The following ATG12 variants were observed in gnomAD, a reference collection of about 807,000 sequenced individuals.
ATG12 encodes the protein autophagy related 12, also known as ubiquitin-like protein ATG12.
Under a neutral mutation model 17.6 loss-of-function variants are expected in ATG12, and 19 were observed. That is an observed-to-expected ratio of 1.08 (90% CI 0.75 to 1.58). The LOEUF is 1.58. ATG12 is among the 40% of genes most tolerant of loss of function. The pLI is 0.00. For synonymous variants in ATG12, 75 were observed against 62.4 expected, an observed-to-expected ratio of 1.20 and a Z score of -0.95; for missense variants, 214 against 162.0, an observed-to-expected ratio of 1.32 and a Z score of -1.74.
intron 2 of ATG12, chr5:115,834,075 G>C (rs552214294): frequency 8.7e-4 from 132 of 152,292 alleles, no homozygotes; most frequent in African/African-American, 2.9e-3. Context: ...CACTACTCTA[G>C]CCTAGCAAAA....
At chr5:115,837,906 A>C (rs1761172926) in intron 1 of ATG12, 142 bp from the exon 2 acceptor site, 1 of 694,458 alleles carries the variant, frequency 1.4e-6, no homozygotes, top group Non-Finnish European at 2.1e-6. Flanking sequence ...AGAGATGTAA[A>C]AATGTTAGAT....
At chr5:115,840,874 T>C in intron 1 of ATG12, 5 of 1,286,792 alleles carry the variant, frequency 3.9e-6, no homozygotes, top group Non-Finnish European at 5.1e-6. Flanking sequence ...AGCTTTCCCT[T>C]AGCAGTCTTC....
rs1478298430 is a variant in ATG12 at position 115,841,475 on chromosome 5, G to A, written c.78C>T (p.Ser26=). The change falls in exon 1 of 4, where the codon TCC becomes TCT. Residue 26 remains serine (S), a synonymous_variant. Coordinates refer to ENST00000509910, the MANE Select transcript of ATG12 (RefSeq NM_004707.4). ...GGGGCTCCGGGGTGGTTGTTTCTGGGGAGACATCCGTAAGTCCTTCCCCTC... is the reference window on the plus strand; with the variant it reads ...GGGGCTCCGGGGTGGTTGTTTCTGGAGAGACATCCGTAAGTCCTTCCCCTC... ...AAGGEGLTDV[S]PETTTPEPPS... is the part of the protein sequence containing the mutation. 1 of 1,611,364 alleles carries A rather than the reference G, an allele frequency of 6.2e-7. No individual in the cohort carries two copies. The highest frequency in any genetic ancestry group is 1.7e-5 in the Admixed American group (1 of 58,978).
rs941106947 is a variant in ATG12 at position 115,829,536 on chromosome 5, T to C, written c.*2268A>G. 1 of 152,228 alleles carries C rather than the reference T, an allele frequency of 6.6e-6. No homozygotes were observed. The highest frequency in any genetic ancestry group is 2.4e-5 in the African/African-American group (1 of 41,466). 9.4% of individuals were successfully genotyped at this position (152,228 alleles called of 1,614,324 possible). ...GTACAATATTGCAATATTATACATA[T>C]ACTTTGTGTGCCATGGGTCATCTAT... On this transcript the variant is annotated 3_prime_UTR_variant, in exon 4 of 4. Coordinates refer to ENST00000509910, the MANE Select transcript of ATG12 (RefSeq NM_004707.4).
intron 3 of ATG12, among the ~76,000 whole-genome samples, chr5:115,832,075 G>C (rs996682870): frequency 6.6e-6 from 1 of 152,034 alleles, no homozygotes; most frequent in Non-Finnish European, 1.5e-5. Flanking sequence ...AGCATCTTAG[G>C]CATGAATGAG....
At chr5:115,840,829 A>T in intron 1 of ATG12, 1 of 1,243,112 alleles carries the variant, frequency 8.0e-7, no homozygotes, top group Non-Finnish European at 1.0e-6. Flanking sequence ...AAGGTTCCAA[A>T]ATGTGTTTCT....
In ATG12 at chr5:115,830,848, A is replaced by T. The variant is rs1760841633; in HGVS notation, c.*956T>A. On this transcript the variant is annotated 3_prime_UTR_variant, in exon 4 of 4. Coordinates refer to ENST00000509910, the MANE Select transcript of ATG12 (RefSeq NM_004707.4). ...GCTTTCTAAAAATATGGCATTATAAACATAATACTAAAGAGAAAAAAAGGT... is the reference window on the plus strand; with the variant it reads ...GCTTTCTAAAAATATGGCATTATAATCATAATACTAAAGAGAAAAAAAGGT... 1 of 152,152 alleles carries T rather than the reference A, an allele frequency of 6.6e-6. No homozygotes were observed. Among genetic ancestry groups the T allele is most frequent in the South Asian group, 2.1e-4 (1 of 4,832 alleles). The allele number at this position is 152,152 out of a possible 1,614,324, so 9.4% of individuals were successfully genotyped here.
intron 2 of ATG12, chr5:115,834,862 T>G (rs963845869): frequency 1.3e-5 from 2 of 152,220 alleles, no homozygotes; most frequent in African/African-American, 2.4e-5. Context: ...TTATTCTGGG[T>G]TGATACTCTC....
intron 1 of ATG12, 138 bp from the exon 2 acceptor site, chr5:115,837,902 G>A (rs1335909445): frequency 1.4e-6 from 1 of 706,702 alleles, no homozygotes; most frequent in East Asian, 3.3e-5. Flanking sequence ...TGTGAGAGAT[G>A]TAAAAATGTT....
At chr5:115,841,071 G>C (rs368037834) in intron 1 of ATG12, 1 of 397,618 alleles carries the variant, frequency 2.5e-6, no homozygotes, top group South Asian at 2.0e-5. Context: ...TGGAATTACC[G>C]AGACCCCCCT....
At chr5:115,837,919 T>C (rs1287741819) in intron 1 of ATG12, 155 bp from the exon 2 acceptor site, 1 of 636,824 alleles carries the variant, frequency 1.6e-6, no homozygotes, top group Admixed American at 4.1e-5. Context: ...TGTTAGATTC[T>C]TTTCCATCAT....
chr5:115,835,064 T>G (rs139817316), intron 2 of ATG12: 10 of 152,144 alleles, frequency 6.6e-5, no homozygotes, highest in Admixed American at 1.3e-4. Context: ...TCCTCCTACT[T>G]TAGTCTCCAT....
rs1455180607 is a variant in ATG12, at chr5:115,830,403, AAACTG to A, written c.*1396_*1400del. Reference sequence around the variant, plus strand: ...ATATAATTAAATATATTCCTTCAGTAAACTGAACTGGACAAAACTAGAGAACAGAC... The same window carrying A: ...ATATAATTAAATATATTCCTTCAGTAAACTGGACAAAACTAGAGAACAGAC... On this transcript the variant is annotated 3_prime_UTR_variant, in exon 4 of 4. Transcript: ENST00000509910. 8 of 152,184 alleles carry A rather than the reference AAACTG, an allele frequency of 5.3e-5. No homozygotes were observed. Among genetic ancestry groups the A allele is most frequent in the Admixed American group, 2.6e-4 (4 of 15,286 alleles). 9.4% of individuals were successfully genotyped at this position (152,184 alleles called of 1,614,324 possible).
chr5:115,830,190 A>G lies in ATG12; in HGVS notation c.*1614T>C, dbSNP rs557809600. On this transcript the variant is annotated 3_prime_UTR_variant, in exon 4 of 4. Transcript: ENST00000509910. Reference sequence around the variant, plus strand: ...TCAGAGTTGTTAGGAAAGAAAACAAATAAGGTTAGCTACATATTTAGCTAA... The same window carrying G: ...TCAGAGTTGTTAGGAAAGAAAACAAGTAAGGTTAGCTACATATTTAGCTAA... 1 of 151,960 alleles carries G rather than the reference A, an allele frequency of 6.6e-6. No individual in the cohort carries two copies. The highest frequency in any genetic ancestry group is 6.6e-5 in the Admixed American group (1 of 15,260). 9.4% of individuals were successfully genotyped at this position (151,960 alleles called of 1,614,324 possible).
intron 2 of ATG12, among the ~76,000 whole-genome samples, chr5:115,835,653 C>T (rs1245327507): frequency 3.3e-5 from 5 of 152,168 alleles, no homozygotes; most frequent in Non-Finnish European, 4.4e-5. Context: ...ATTGTCATCA[C>T]GTGCTACAGA....
At position 115,828,714 on chromosome 5, in the gene ATG12, T is replaced by A. The variant is rs1760738260; in HGVS notation, c.*3090A>T. On this transcript the variant is annotated 3_prime_UTR_variant, in exon 4 of 4. Coordinates refer to ENST00000509910, the MANE Select transcript of ATG12 (RefSeq NM_004707.4). ...AGCTGTCATACTTTGCTAATCACAA[T>A]TTCATTCACTCGATGTGTTACATTA... 6.6e-6 allele frequency: 1 copy of A among 152,218 alleles called. No individual in the cohort carries two copies. Among genetic ancestry groups the A allele is most frequent in the Non-Finnish European group, 1.5e-5 (1 of 68,016 alleles). 9.4% of individuals were successfully genotyped at this position (152,218 alleles called of 1,614,324 possible).
At position 115,830,486 on chromosome 5, in the gene ATG12, T is replaced by A. The variant is rs1294720212; in HGVS notation, c.*1318A>T. 4 of 152,184 alleles carry A rather than the reference T, an allele frequency of 2.6e-5. No homozygotes were observed. The highest frequency in any genetic ancestry group is 9.6e-5 in the African/African-American group (4 of 41,460). 9.4% of individuals were successfully genotyped at this position (152,184 alleles called of 1,614,324 possible). A position where few individuals can be genotyped will look rare whatever the true frequency, so the allele number is the denominator to read the frequency against. ...TGATATTACTTTGAATTCTACTACATACCATCTTAGATCCTGTTTTGAAAT... is the reference window on the plus strand; with the variant it reads ...TGATATTACTTTGAATTCTACTACAAACCATCTTAGATCCTGTTTTGAAAT... On this transcript the variant is annotated 3_prime_UTR_variant, in exon 4 of 4. Coordinates refer to ENST00000509910, the MANE Select transcript of ATG12 (RefSeq NM_004707.4).
rs927103295 is a variant in ATG12, at chr5:115,830,593, A to G, written c.*1211T>C. On this transcript the variant is annotated 3_prime_UTR_variant, in exon 4 of 4. Transcript: ENST00000509910. Reference sequence around the variant, plus strand: ...GGGTCTCACTCTGTTGCTCAGCAGGAATGCAGTGGTACAATCACGACTCAC... The same window carrying G: ...GGGTCTCACTCTGTTGCTCAGCAGGGATGCAGTGGTACAATCACGACTCAC... The G allele has an allele frequency of 8.5e-5, 13 of 152,054 alleles. No individual in the cohort carries two copies. Among genetic ancestry groups the G allele is most frequent in the African/African-American group, 3.1e-4 (13 of 41,400 alleles). 9.4% of individuals were successfully genotyped at this position (152,054 alleles called of 1,614,324 possible).
Position 115,831,488 on chromosome 5 carries a change from C to G in ATG12, c.*316G>C, listed in dbSNP as rs1214704493. 4 of 350,272 alleles carry G rather than the reference C, an allele frequency of 1.1e-5. No homozygotes were observed. The highest frequency in any genetic ancestry group is 2.1e-5 in the Non-Finnish European group (4 of 194,504). The allele number at this position is 350,272 out of a possible 1,614,324, so 21.7% of individuals were successfully genotyped here. ...AAAACAATTTCAGTCATTTTGAGAA[C>G]TGACAATGAAGATGTTTATACAGTC... is the stretch of plus-strand genomic sequence containing the variant. On this transcript the variant is annotated 3_prime_UTR_variant, in exon 4 of 4. Coordinates refer to ENST00000509910, the MANE Select transcript of ATG12 (RefSeq NM_004707.4).
Sources: allele counts gnomAD v4.1 joint callset (sites outside exome capture counted in the v4.1 genomes callset), GRCh38; gene constraint gnomAD v4.1.1; transcripts MANE v1.5; gene names NCBI Gene and HGNC (gene_info 2026-07-23, HGNC 2026-07-21).